Variants in ZNF722 observed in about 807,000 individuals in gnomAD.
The protein encoded by ZNF722 is zinc finger protein 479 pseudogene.
At chr7:64,015,187 G>T in the ZNF722 span, 4 of 1,322,270 alleles carry the variant, frequency 3.0e-6, no homozygotes, top group South Asian at 2.3e-5. Flanking sequence ...CACAAAGGAG[G>T]TTATAATGAA....
At chr7:64,004,410 T>TAAAAAAAAAAA in the ZNF722 span, among the ~76,000 whole-genome samples, 19 of 35,250 alleles carry the variant, frequency 5.4e-4, no homozygotes, top group East Asian at 1.7e-3. Context: ...CTCTGTCTCT[T>TAAAAAAAAAAA]AAAAAAAAAA....
the ZNF722 span, among the ~76,000 whole-genome samples, chr7:64,004,961 C>T: frequency 2.0e-4 from 31 of 152,222 alleles, no homozygotes; most frequent in African/African-American, 7.2e-4. Context: ...TGAGAGGTAC[C>T]TTCCAAGTCA....
At chr7:63,998,863 T>C in the ZNF722 span, 3 of 1,363,226 alleles carry the variant, frequency 2.2e-6, no homozygotes, top group Non-Finnish European at 3.1e-6. Context: ...TGTGCTTCTC[T>C]GCGTCCCGAG....
the ZNF722 span, chr7:64,006,415 C>G: frequency 4.6e-6 from 4 of 863,150 alleles, no homozygotes; most frequent in Non-Finnish European, 5.2e-6. Context: ...AGCTGTGCTT[C>G]GATGGAAAGA....
the ZNF722 span, chr7:64,015,932 C>G: frequency 7.0e-7 from 1 of 1,421,632 alleles, no homozygotes; most frequent in South Asian, 1.2e-5. Flanking sequence ...GTGGCAAATT[C>G]TAGCCCTCAG....
At chr7:64,005,224 G>C in the ZNF722 span, among the ~76,000 whole-genome samples, 90,751 of 151,908 alleles carry the variant, frequency 0.6, 28,211 homozygotes, top group Non-Finnish European at 0.7. Context: ...GATTGAACCC[G>C]GGAGGTGGAG....
chr7:64,015,299 A>T, the ZNF722 span: 4 of 1,262,690 alleles, frequency 3.2e-6, no homozygotes, highest in Middle Eastern at 3.7e-4. Context: ...ATGAAACAAG[A>T]TATACTGGAA....
At chr7:64,006,716 T>C in the ZNF722 span, among the ~76,000 whole-genome samples, 3 of 152,166 alleles carry the variant, frequency 2.0e-5, no homozygotes, top group African/African-American at 7.2e-5. Flanking sequence ...TAGTAATTTC[T>C]GTTTCATTGG....
chr7:64,004,423 A>ATAT, the ZNF722 span, among the ~76,000 whole-genome samples: 56 of 61,686 alleles, frequency 9.1e-4, no homozygotes, highest in African/African-American at 2.3e-3. Flanking sequence ...AAAAAAAAAA[A>ATAT]AAATATATAT....
the ZNF722 span, among the ~76,000 whole-genome samples, chr7:64,010,579 C>G: frequency 6.6e-6 from 1 of 152,126 alleles, no homozygotes; most frequent in Non-Finnish European, 1.5e-5. Flanking sequence ...ATCCTGAGTT[C>G]TAATTTGATT....
At chr7:64,011,922 A>G in the ZNF722 span, among the ~76,000 whole-genome samples, 2 of 152,002 alleles carry the variant, frequency 1.3e-5, no homozygotes. Context: ...ACATAGTCCC[A>G]TATTTCTTGG....
the ZNF722 span, among the ~76,000 whole-genome samples, chr7:64,013,517 G>A: frequency 6.6e-6 from 1 of 151,046 alleles, no homozygotes; most frequent in Non-Finnish European, 1.5e-5. Context: ...TTTTAAACTG[G>A]TAAAAAAAAA....
the ZNF722 span, among the ~76,000 whole-genome samples, chr7:64,011,176 A>G: frequency 6.6e-6 from 1 of 152,176 alleles, no homozygotes; most frequent in South Asian, 2.1e-4. Flanking sequence ...TGAATACAGC[A>G]CACTGATGGG....
At chr7:64,015,697 C>T in the ZNF722 span, 1 of 1,612,054 alleles carries the variant, frequency 6.2e-7, no homozygotes. Flanking sequence ...GTATCCTCAA[C>T]CCTCAATGAC....
At chr7:63,999,520 A>G in the ZNF722 span, among the ~76,000 whole-genome samples, 1 of 152,150 alleles carries the variant, frequency 6.6e-6, no homozygotes, top group South Asian at 2.1e-4. Context: ...AAATTCTGTT[A>G]TAAGTTGCGT....
At chr7:63,998,981 C>T in the ZNF722 span, 1 of 1,579,238 alleles carries the variant, frequency 6.3e-7, no homozygotes, top group East Asian at 2.2e-5. Flanking sequence ...AGACCGGGAT[C>T]CCCTGGAAGC....
At chr7:64,005,019 T>C in the ZNF722 span, among the ~76,000 whole-genome samples, 1 of 152,132 alleles carries the variant, frequency 6.6e-6, no homozygotes, top group Non-Finnish European at 1.5e-5. Context: ...CTGTATGATG[T>C]AAATATAGCC....
the ZNF722 span, among the ~76,000 whole-genome samples, chr7:64,007,960 T>C: frequency 1.3e-5 from 2 of 152,200 alleles, no homozygotes; most frequent in African/African-American, 4.8e-5. Flanking sequence ...TGGTATCTCA[T>C]TGTGGTTTTG....
At chr7:64,011,475 C>T in the ZNF722 span, among the ~76,000 whole-genome samples, 1 of 152,166 alleles carries the variant, frequency 6.6e-6, no homozygotes, top group Non-Finnish European at 1.5e-5. Context: ...ATTTGCTTGT[C>T]TGTAAAGTAT....
Sources: gnomAD v4.1 joint callset for allele counts (sites outside exome capture counted in the v4.1 genomes callset) on GRCh38, gnomAD v4.1.1 for gene constraint, MANE v1.5 for transcripts, NCBI Gene and HGNC (gene_info 2026-07-23, HGNC 2026-07-21) for gene names.